The following B3GLCT variants were observed in gnomAD, a reference collection of about 807,000 sequenced individuals.
The protein encoded by B3GLCT is beta-1,3-glucosyltransferase.
Under a neutral mutation model 63.4 loss-of-function variants are expected in B3GLCT, and 65 were observed. That is an observed-to-expected ratio of 1.03 (90% CI 0.84 to 1.26). B3GLCT has a LOEUF of 1.26. Ranked by LOEUF, B3GLCT falls within the 50% of genes most tolerant of loss-of-function variation. The pLI, the probability that B3GLCT is intolerant of heterozygous loss-of-function variation, is 0.00. For missense variants in B3GLCT, 577 were observed against 604.8 expected, an observed-to-expected ratio of 0.95 and a Z score of 0.48; for synonymous variants, 233 against 219.2, an observed-to-expected ratio of 1.06 and a Z score of -0.55.
chr13:31,216,046 A>G (rs1869545336), intron 2 of B3GLCT, among the ~76,000 whole-genome samples: 1 of 152,222 alleles, frequency 6.6e-6, no homozygotes, highest in African/African-American at 2.4e-5. Flanking sequence ...GTAAAAAAGG[A>G]AACAGTAGTT....
rs201514470 is a variant in B3GLCT, at chr13:31,329,543, G to A, written c.1372G>A (p.Val458Ile). 60 of 1,614,066 alleles carry A rather than the reference G, an allele frequency of 3.7e-5. No individual in the cohort carries two copies. The highest frequency in any genetic ancestry group is 4.7e-5 in the Non-Finnish European group (56 of 1,180,046). Reference sequence around the variant, plus strand: ...CCCTAAGGACTACCTTTCTCATCAAGTTCCCATATCGTTCCACAAACACTG... The same window carrying A: ...CCCTAAGGACTACCTTTCTCATCAAATTCCCATATCGTTCCACAAACACTG... ...DYPKDYLSHQ[V>I]PISFHKHWNI... The change falls in exon 15 of 15, where the codon GTT becomes ATT. Residue 458 changes from valine (V) to isoleucine (I), a missense_variant. By Grantham distance (29) the Val-to-Ile change is conservative. Transcript: ENST00000343307.
chr13:31,276,033 G>C (rs1409575532), intron 9 of B3GLCT, among the ~76,000 whole-genome samples: 1 of 152,092 alleles, frequency 6.6e-6, no homozygotes, highest in African/African-American at 2.4e-5. Flanking sequence ...GGTAATAAAG[G>C]GGTCATGAAG....
chr13:31,246,926 TTTC>T (rs927577920), intron 4 of B3GLCT, 94 bp from the exon 5 acceptor site: 18 of 975,928 alleles, frequency 1.8e-5, no homozygotes, highest in Non-Finnish European at 2.4e-5. Context: ...CTTTTCTTTT[TTTC>T]TTTTTTCTTT....
intron 14 of B3GLCT, among the ~76,000 whole-genome samples, chr13:31,328,770 G>C (rs1448534799): frequency 6.9e-6 from 1 of 145,884 alleles, no homozygotes; most frequent in Non-Finnish European, 1.5e-5. Context: ...AATAGTATCT[G>C]ATTTCAGTTT....
chr13:31,227,069 C>CT (rs1393335279), intron 3 of B3GLCT, among the ~76,000 whole-genome samples: 2 of 151,936 alleles, frequency 1.3e-5, no homozygotes, highest in African/African-American at 4.8e-5. Context: ...TTGCAACTTG[C>CT]TTTTTTCAGC....
At chr13:31,208,515 C>T (rs1265391265) in intron 1 of B3GLCT, among the ~76,000 whole-genome samples, 3 of 151,978 alleles carry the variant, frequency 2.0e-5, no homozygotes, top group Non-Finnish European at 4.4e-5. Flanking sequence ...TTCCCTCACA[C>T]GTGCTACCCT....
intron 3 of B3GLCT, 27 bp from the exon 4 acceptor site, chr13:31,229,158 C>T: frequency 1.4e-6 from 2 of 1,402,492 alleles, no homozygotes; most frequent in Non-Finnish European, 2.0e-6. Flanking sequence ...AAAAGAAATA[C>T]CTGAAAACTA....
At chr13:31,243,434 GTTAT>G (rs1421988850) in intron 4 of B3GLCT, among the ~76,000 whole-genome samples, 1 of 152,056 alleles carries the variant, frequency 6.6e-6, no homozygotes. Flanking sequence ...AATAATTAAG[GTTAT>G]TTATGATATT....
intron 14 of B3GLCT, among the ~76,000 whole-genome samples, chr13:31,327,403 A>G (rs1875686834): frequency 1.3e-5 from 2 of 152,200 alleles, no homozygotes; most frequent in East Asian, 1.9e-4. Flanking sequence ...GGGAGGATTC[A>G]TGCCCAGTGC....
intron 14 of B3GLCT, among the ~76,000 whole-genome samples, chr13:31,327,802 A>G (rs1048120846): frequency 6.6e-6 from 1 of 152,206 alleles, no homozygotes; most frequent in East Asian, 1.9e-4. Flanking sequence ...TTTTCCTTTT[A>G]AAATTCCTTT....
In B3GLCT at chr13:31,210,730, A is replaced by C. The variant is rs117664677; in HGVS notation, c.71-4321A>C. Among the ~76,000 whole-genome samples, 723 of 152,182 alleles carry C rather than the reference A, an allele frequency of 4.8e-3. 1 individual carries two copies. The highest frequency in any genetic ancestry group is 8.8e-3 in the Non-Finnish European group (595 of 67,990). On this transcript the variant is annotated intron_variant, in intron 1 of 14. Coordinates refer to ENST00000343307, the MANE Select transcript of B3GLCT (RefSeq NM_194318.4). ...AGCATATTCAGTGCCTTCACAATAT[A>C]TTTGGTTCCTTTTTATTTTTATTTT...
At chr13:31,263,218 A>G (rs891434849) in intron 7 of B3GLCT, among the ~76,000 whole-genome samples, 1 of 152,110 alleles carries the variant, frequency 6.6e-6, no homozygotes. Flanking sequence ...CCTTCTTCCC[A>G]TCACAATTTC....
intron 12 of B3GLCT, among the ~76,000 whole-genome samples, chr13:31,316,407 T>TTATATATATATATA (rs71099949): frequency 0.015 from 594 of 40,808 alleles, 72 homozygotes; most frequent in African/African-American, 0.028. Context: ...TTTGGAGGTT[T>TTATATATATATATA]TATATATATA....
chr13:31,326,949 A>AT (rs981555145), intron 14 of B3GLCT, among the ~76,000 whole-genome samples: 9 of 151,948 alleles, frequency 5.9e-5, no homozygotes, highest in Admixed American at 2.0e-4. Flanking sequence ...GTTATGGTTT[A>AT]TTTTTTTTCC....
At chr13:31,286,627 T>A in intron 11 of B3GLCT, 93 bp from the exon 12 acceptor site, 1 of 913,544 alleles carries the variant, frequency 1.1e-6, no homozygotes, top group Non-Finnish European at 1.7e-6. Context: ...GCATGTAAGC[T>A]CTTAGAACAC....
intron 1 of B3GLCT, among the ~76,000 whole-genome samples, chr13:31,205,248 G>GTT (rs1199157279): frequency 7.4e-6 from 1 of 135,968 alleles, no homozygotes; most frequent in Non-Finnish European, 1.6e-5. Flanking sequence ...TTTTTTTTTT[G>GTT]TTTTTTTTTT....
chr13:31,267,968 G>A (rs1287517153), intron 7 of B3GLCT, among the ~76,000 whole-genome samples: 1 of 151,670 alleles, frequency 6.6e-6, no homozygotes. Context: ...AGCCTTCTGA[G>A]TAGCTAGGAT....
rs184816253 is a variant in B3GLCT, at chr13:31,230,161, T to C, written c.270+867T>C. Among the ~76,000 whole-genome samples, 6 of 152,328 alleles carry C rather than the reference T, an allele frequency of 3.9e-5. 1 individual carries two copies. In the East Asian group the frequency reaches 1.2e-3, roughly 29 times the overall value. On this transcript the variant is annotated intron_variant, in intron 4 of 14. Transcript: ENST00000343307. ...TTATGGAGAGAAAAATCTACGCATA[T>C]AGGTACATTTTAATAACATTTAAAA...
At chr13:31,276,837 A>G in intron 10 of B3GLCT, 66 bp downstream of exon 10, 1 of 1,190,404 alleles carries the variant, frequency 8.4e-7, no homozygotes, top group South Asian at 1.2e-5. Flanking sequence ...GAAAAGTACC[A>G]ATGAATTCTT....
Sources: gnomAD v4.1 joint callset for allele counts (sites outside exome capture counted in the v4.1 genomes callset) on GRCh38, gnomAD v4.1.1 for gene constraint, MANE v1.5 for transcripts, NCBI Gene and HGNC (gene_info 2026-07-23, HGNC 2026-07-21) for gene names.